The following CPNE4 variants were observed in gnomAD, a reference collection of about 807,000 sequenced individuals.
CPNE4 encodes copine-4.
CPNE4 carries 25 observed loss-of-function variants against 67.9 expected under a neutral mutation model. The observed-to-expected ratio is 0.37, with a 90% confidence interval of 0.27 to 0.51. CPNE4 has a LOEUF of 0.51. Ranked by LOEUF, CPNE4 falls within the 20% of genes least tolerant of loss-of-function variation. The probability of loss-of-function intolerance (pLI) is 0.93; values close to 1 mark genes in which losing one functional copy is unlikely to be tolerated. For missense variants in CPNE4, 464 were observed against 690.8 expected (o/e 0.67, Z 3.68); for synonymous variants, 242 against 244.9 (o/e 0.99, Z 0.11).
chr3:131,803,245 T>A (rs2084195325), intron 2 of CPNE4, among the ~76,000 whole-genome samples: 1 of 152,176 alleles, frequency 6.6e-6, no homozygotes, highest in Non-Finnish European at 1.5e-5. Context: ...TGCACCCACA[T>A]CTGTGAGGAT....
At chr3:131,752,057 G>C (rs962440854) in intron 2 of CPNE4, among the ~76,000 whole-genome samples, 1 of 152,068 alleles carries the variant, frequency 6.6e-6, no homozygotes, top group African/African-American at 2.4e-5. Flanking sequence ...AGCGACGTGG[G>C]GGAAGGATGC....
At chr3:132,017,992 C>T (rs1297289665) in intron 1 of CPNE4, among the ~76,000 whole-genome samples, 1 of 149,234 alleles carries the variant, frequency 6.7e-6, no homozygotes, top group Non-Finnish European at 1.5e-5. Flanking sequence ...GACCCAGATG[C>T]TCAACTCAGA....
intron 1 of CPNE4, among the ~76,000 whole-genome samples, chr3:131,960,897 G>C (rs943542257): frequency 9.2e-5 from 14 of 152,292 alleles, no homozygotes; most frequent in African/African-American, 3.4e-4. Context: ...CTCACTTGGT[G>C]ATCTGCAATC....
chr3:131,864,023 C>A (rs551937413), intron 2 of CPNE4, among the ~76,000 whole-genome samples: 5 of 151,794 alleles, frequency 3.3e-5, no homozygotes, highest in Non-Finnish European at 7.4e-5. Context: ...TGTAGATATG[C>A]GGCATTATTT....
At chr3:131,700,016 A>AGATACT (rs1293729479) in intron 3 of CPNE4, 36 bp from the exon 4 acceptor site, 1 of 1,315,736 alleles carries the variant, frequency 7.6e-7, no homozygotes, top group Non-Finnish European at 1.1e-6. Flanking sequence ...CAAAAGGTAG[A>AGATACT]GATACTAGTC....
At chr3:131,654,723 C>T (rs184666502) in intron 7 of CPNE4, among the ~76,000 whole-genome samples, 28 of 152,272 alleles carry the variant, frequency 1.8e-4, no homozygotes, top group Admixed American at 5.9e-4. Context: ...TAAATCCCAA[C>T]AAAGAAGGAG....
intron 7 of CPNE4, among the ~76,000 whole-genome samples, chr3:131,646,830 G>T (rs1287877415): frequency 6.6e-6 from 1 of 152,220 alleles, no homozygotes; most frequent in Non-Finnish European, 1.5e-5. Context: ...GCTCTGAAAA[G>T]TTCTAGGCAT....
At chr3:131,866,124 A>G (rs2086939474) in intron 2 of CPNE4, among the ~76,000 whole-genome samples, 2 of 152,230 alleles carry the variant, frequency 1.3e-5, no homozygotes, top group Non-Finnish European at 2.9e-5. Flanking sequence ...CTAAGGCAAC[A>G]AATTCTTCCA....
At chr3:131,916,856 G>A (rs1019863826) in intron 1 of CPNE4, among the ~76,000 whole-genome samples, 1 of 152,132 alleles carries the variant, frequency 6.6e-6, no homozygotes, top group Non-Finnish European at 1.5e-5. Context: ...CTGAACTACT[G>A]TTTGTTTTCT....
At position 131,603,648 on chromosome 3, in the gene CPNE4, A is replaced by G. The variant is rs116741495; in HGVS notation, c.682-16066T>C. On this transcript the variant is annotated intron_variant, in intron 7 of 15. Coordinates refer to ENST00000429747, the MANE Select transcript of CPNE4 (RefSeq NM_130808.3). ...AAGGCTGTGCTAGTTCCAGAGCTCA[A>G]GAGGCTGAGACACAGTATCTGCCAT... 4.0e-3 allele frequency among the ~76,000 whole-genome samples: 611 copies of G among 152,300 alleles called. 3 individuals are homozygous for G. Among genetic ancestry groups the G allele is most frequent in the Non-Finnish European group, 6.8e-3 (462 of 68,016 alleles).
At position 131,905,886 on chromosome 3, in the gene CPNE4, A is replaced by T. The variant is rs115367323; in HGVS notation, c.-1-442T>A. On this transcript the variant is annotated intron_variant, in intron 1 of 15. Transcript: ENST00000429747. ...CAACTCCTATGTGATGGCATGGAGA[A>T]GTATATTGTTCTTTCTGAAGAAACA... Among the ~76,000 whole-genome samples the T allele has an allele frequency of 2.0e-3, 304 of 152,328 alleles. 5 individuals carry two copies. Among genetic ancestry groups the T allele is most frequent in the Admixed American group, 3.5e-3 (53 of 15,290 alleles).
chr3:131,983,886 C>G (rs535729039), intron 1 of CPNE4, among the ~76,000 whole-genome samples: 193 of 152,272 alleles, frequency 1.3e-3, no homozygotes, highest in African/African-American at 4.6e-3. Flanking sequence ...TAATGTGCCC[C>G]AAGAGAGTCA....
intron 2 of CPNE4, among the ~76,000 whole-genome samples, chr3:131,773,236 G>A (rs1363614299): frequency 6.6e-6 from 1 of 152,114 alleles, no homozygotes; most frequent in African/African-American, 2.4e-5. Flanking sequence ...GGGATTTAAG[G>A]AAAGATTTAG....
intron 2 of CPNE4, among the ~76,000 whole-genome samples, chr3:131,731,371 C>T (rs573947293): frequency 1.8e-4 from 27 of 152,284 alleles, no homozygotes; most frequent in Admixed American, 3.3e-4. Context: ...GTCTCAAGTG[C>T]TAATATGTTC....
chr3:132,010,885 C>T (rs1255184726), intron 1 of CPNE4, among the ~76,000 whole-genome samples: 1 of 152,122 alleles, frequency 6.6e-6, no homozygotes, highest in African/African-American at 2.4e-5. Context: ...CCAAGAACTT[C>T]CTGGCACATG....
intron 11 of CPNE4, among the ~76,000 whole-genome samples, chr3:131,559,720 G>A (rs989071231): frequency 6.6e-6 from 1 of 151,912 alleles, no homozygotes; most frequent in African/African-American, 2.4e-5. Flanking sequence ...GGAAGAGAAT[G>A]GAAATATAAG....
intron 2 of CPNE4, among the ~76,000 whole-genome samples, chr3:131,797,192 A>G (rs1348264097): frequency 6.6e-6 from 1 of 152,198 alleles, no homozygotes; most frequent in Admixed American, 6.5e-5. Flanking sequence ...GGCTCAAAGC[A>G]GAATACTTTA....
intron 2 of CPNE4, among the ~76,000 whole-genome samples, chr3:131,747,140 TGTTGA>T (rs2107790258): frequency 6.6e-6 from 1 of 151,646 alleles, no homozygotes; most frequent in Non-Finnish European, 1.5e-5. Flanking sequence ...TTTCTCTTGT[TGTTGA>T]GTTGTTTGAG....
intron 2 of CPNE4, among the ~76,000 whole-genome samples, chr3:131,883,845 C>A (rs1447244168): frequency 1.3e-5 from 2 of 152,234 alleles, no homozygotes; most frequent in East Asian, 3.8e-4. Flanking sequence ...ATAACTGAAA[C>A]TTTATTCCTT....
Sources: gnomAD v4.1 joint callset for allele counts (sites outside exome capture counted in the v4.1 genomes callset) on GRCh38, gnomAD v4.1.1 for gene constraint, MANE v1.5 for transcripts, NCBI Gene and HGNC (gene_info 2026-07-23, HGNC 2026-07-21) for gene names.